MCM8: variants seen among roughly 807,000 people sequenced by gnomAD.
MCM8 encodes minichromosome maintenance 8 homologous recombination repair factor, also known as DNA helicase MCM8.
In MCM8, 85 loss-of-function variants were observed where a neutral mutation model predicts 98.9. That is an observed-to-expected ratio of 0.86 (90% CI 0.72 to 1.03). MCM8 has a LOEUF of 1.03. Among genes scored for constraint, MCM8 ranks in the 50% least tolerant of loss-of-function variants. The pLI is 0.00. For synonymous variants in MCM8, 352 were observed against 338.6 expected (o/e 1.04, Z -0.44); for missense variants, 951 against 997.8 (o/e 0.95, Z 0.63).
intron 13 of MCM8, among the ~76,000 whole-genome samples, chr20:5,979,538 C>G (rs1330893148): frequency 6.6e-6 from 1 of 152,198 alleles, no homozygotes; most frequent in East Asian, 1.9e-4. Flanking sequence ...TCTTCCTCAT[C>G]TCAGTAAATG....
At chr20:5,956,525 C>T (rs1230785164) in intron 5 of MCM8, among the ~76,000 whole-genome samples, 1 of 152,064 alleles carries the variant, frequency 6.6e-6, no homozygotes, top group Non-Finnish European at 1.5e-5. Flanking sequence ...TCCCAAGTAG[C>T]TGGGATTATA....
chr20:5,979,154 A>T (rs2089577899), intron 13 of MCM8, among the ~76,000 whole-genome samples: 1 of 152,154 alleles, frequency 6.6e-6, no homozygotes, highest in Non-Finnish European at 1.5e-5. Flanking sequence ...GCCACATTTG[A>T]CACAGTTAAT....
intron 16 of MCM8, among the ~76,000 whole-genome samples, chr20:5,986,621 C>T (rs1173223145): frequency 6.6e-6 from 1 of 152,118 alleles, no homozygotes; most frequent in Non-Finnish European, 1.5e-5. Context: ...GCTTTTTGCT[C>T]CTAAAATCTG....
chr20:5,959,370 T>C (rs2089076690), intron 7 of MCM8, among the ~76,000 whole-genome samples: 1 of 152,254 alleles, frequency 6.6e-6, no homozygotes, highest in Non-Finnish European at 1.5e-5. Context: ...TGGCATGTAT[T>C]CTTCAAGTTT....
chr20:5,956,010 G>A (rs879314400), intron 5 of MCM8, among the ~76,000 whole-genome samples: 6 of 152,102 alleles, frequency 3.9e-5, no homozygotes, highest in African/African-American at 9.7e-5. Context: ...CTTGTGATCC[G>A]CCTGCCTTGG....
intron 10 of MCM8, among the ~76,000 whole-genome samples, chr20:5,971,510 A>ATCAC (rs1315547375): frequency 2.6e-5 from 4 of 152,254 alleles, no homozygotes; most frequent in African/African-American, 9.6e-5. Flanking sequence ...GGTTCTACAA[A>ATCAC]TCACTGCACC....
chr20:5,986,823 A>AT (rs1266250477), intron 16 of MCM8, among the ~76,000 whole-genome samples: 2 of 152,042 alleles, frequency 1.3e-5, no homozygotes, highest in Admixed American at 1.3e-4. Flanking sequence ...GGTTTCACAG[A>AT]TTTTTTTTGT....
At position 5,994,396 on chromosome 20, in the gene MCM8, A is replaced by C; in HGVS notation, c.*5A>C. The stretch of plus-strand genomic sequence containing the variant: ...TACCAGCTTCAAACTATGTAAAAGG[A>C]CTTCACCAAGTTAGGGCCTCCTGGG... On this transcript the variant is annotated 3_prime_UTR_variant, in exon 19 of 19. Coordinates refer to ENST00000610722, the MANE Select transcript of MCM8 (RefSeq NM_032485.6). The C allele has an allele frequency of 6.2e-7, 1 of 1,602,778 alleles. No individual in the cohort carries two copies. The highest frequency in any genetic ancestry group is 8.5e-7 in the Non-Finnish European group (1 of 1,174,040).
chr20:5,995,554 G>C lies in MCM8; in HGVS notation c.*1163G>C, dbSNP rs935940812. ...ACAGCAACAAAAGGATTCTGCATGA[G>C]ATGCCTCCCTAAATTGCTGAATTCA... On this transcript the variant is annotated 3_prime_UTR_variant, in exon 19 of 19. Coordinates refer to ENST00000610722, the MANE Select transcript of MCM8 (RefSeq NM_032485.6). 2.0e-5 allele frequency: 3 copies of C among 152,218 alleles called. No individual in the cohort carries two copies. The highest frequency in any genetic ancestry group is 7.2e-5 in the African/African-American group (3 of 41,448). The allele number at this position is 152,218 out of a possible 1,614,324, so 9.4% of individuals were successfully genotyped here.
chr20:5,957,740 CTG>C (rs2089025164), intron 6 of MCM8, among the ~76,000 whole-genome samples: 1 of 152,176 alleles, frequency 6.6e-6, no homozygotes, highest in Admixed American at 6.5e-5. Flanking sequence ...TATACTCAGT[CTG>C]TAATACACTA....
intron 6 of MCM8, among the ~76,000 whole-genome samples, chr20:5,958,319 A>G (rs2089041292): frequency 6.6e-6 from 1 of 152,260 alleles, no homozygotes; most frequent in Non-Finnish European, 1.5e-5. Context: ...CAGTGAGCCA[A>G]GATGGCACCC....
In MCM8 at chr20:5,986,085, C is replaced by T. The variant is rs750656777; in HGVS notation, c.2117C>T (p.Ser706Leu). Residue 706 changes from serine to leucine, a missense_variant, in exon 16 of 19, where the codon TCA becomes TTA. Physicochemically the swap from Ser to Leu is moderately radical, Grantham distance 145. Transcript: ENST00000610722. Reference sequence around the variant, plus strand: ...AAACAGAGCCAGAGGTTAAATAGCTCACCAATCACTACCAGGCAGCTGGAA... The same window carrying T: ...AAACAGAGCCAGAGGTTAAATAGCTTACCAATCACTACCAGGCAGCTGGAA... ...LRKQSQRLNSSPITTRQLESL... is the reference protein window; with the variant it reads ...LRKQSQRLNSLPITTRQLESL... 1 of 1,614,198 alleles carries T rather than the reference C, an allele frequency of 6.2e-7. No individual in the cohort carries two copies. The highest frequency in any genetic ancestry group is 1.1e-5 in the South Asian group (1 of 91,084).
intron 15 of MCM8, among the ~76,000 whole-genome samples, 194 bp downstream of exon 15, chr20:5,985,194 C>T (rs1354072989): frequency 6.6e-6 from 1 of 151,990 alleles, no homozygotes; most frequent in Non-Finnish European, 1.5e-5. Flanking sequence ...GCCGGTAATC[C>T]CAGCACTTTG....
At chr20:5,968,125 C>T in intron 10 of MCM8, 100 bp downstream of exon 10, 5 of 916,506 alleles carry the variant, frequency 5.5e-6, no homozygotes, top group South Asian at 1.7e-5. Flanking sequence ...CGGCAAACTA[C>T]AGTCCATGTA....
At position 5,983,083 on chromosome 20, in the gene MCM8, C is replaced by T; in HGVS notation, c.1651C>T (p.Pro551Ser). ...LAKAGVVCSL[P>S]ARTSIIAAAN... ...TAAGGCTGGTGTGGTTTGTAGCCTT[C>T]CTGCAAGAACTTCCATTATTGCTGC... The change falls in exon 14 of 19, where the codon CCT becomes TCT. Residue 551 changes from proline (P) to serine (S), a missense_variant. Coordinates refer to ENST00000610722, the MANE Select transcript of MCM8 (RefSeq NM_032485.6). 1 of 1,614,092 alleles carries T rather than the reference C, an allele frequency of 6.2e-7. No homozygotes were observed. The highest frequency in any genetic ancestry group is 8.5e-7 in the Non-Finnish European group (1 of 1,180,008).
intron 17 of MCM8, chr20:5,991,534 C>T (rs1242620361): frequency 6.6e-6 from 1 of 152,112 alleles, no homozygotes; most frequent in African/African-American, 2.4e-5. Flanking sequence ...GATTGTTTCC[C>T]TGAATTGTCT....
Position 5,994,486 on chromosome 20 carries a change from C to A in MCM8, c.*95C>A, listed in dbSNP as rs1286284340. 6 of 504,960 alleles carry A rather than the reference C, an allele frequency of 1.2e-5. No individual in the cohort carries two copies. In the East Asian group the frequency reaches 2.8e-4, roughly 24 times the overall value. 31.3% of individuals were successfully genotyped at this position (504,960 alleles called of 1,614,324 possible). On this transcript the variant is annotated 3_prime_UTR_variant, in exon 19 of 19. Transcript: ENST00000610722. Reference sequence around the variant, plus strand: ...GCACGCACAGACAGACAGACACACACACACACACACACACACACACACACA... The same window carrying A: ...GCACGCACAGACAGACAGACACACAAACACACACACACACACACACACACA...
In MCM8 at chr20:5,994,474, G is replaced by GACACACAC. The variant is rs1361501135; in HGVS notation, c.*86_*87insCACACACA. On this transcript the variant is annotated 3_prime_UTR_variant, in exon 19 of 19. Transcript: ENST00000610722. ...GAAGATATGCGTGCACGCACAGACAGACAGACACACACACACACACACACA... is the reference window on the plus strand; with the variant it reads ...GAAGATATGCGTGCACGCACAGACAGACACACACACAGACACACACACACACACACACA... The GACACACAC allele has an allele frequency of 7.6e-6, 4 of 527,274 alleles. No homozygotes were observed. Among genetic ancestry groups the GACACACAC allele is most frequent in the African/African-American group, 6.3e-5 (2 of 31,898 alleles). 32.7% of individuals were successfully genotyped at this position (527,274 alleles called of 1,614,324 possible).
rs142297326 is a variant in MCM8, at chr20:5,971,829, T to C, written c.1224-178T>C. ...AGTTTTTAAAAAATTCTAACCTTTA[T>C]AGATTAACCAAGAACTTTGAGAAAT... On this transcript the variant is annotated intron_variant, in intron 10 of 18. Coordinates refer to ENST00000610722, the MANE Select transcript of MCM8 (RefSeq NM_032485.6). Among the ~76,000 whole-genome samples, 3 of 152,342 alleles carry C rather than the reference T, an allele frequency of 2.0e-5. No homozygotes were observed. The East Asian group carries it at 5.8e-4, about 29-fold the overall frequency.
Sources: allele counts gnomAD v4.1 joint callset (sites outside exome capture counted in the v4.1 genomes callset), GRCh38; gene constraint gnomAD v4.1.1; transcripts MANE v1.5; gene names NCBI Gene and HGNC (gene_info 2026-07-23, HGNC 2026-07-21).